ANKRD7: variants seen among roughly 807,000 people sequenced by gnomAD.
ANKRD7 encodes ankyrin repeat domain 7.
In ANKRD7, 30 loss-of-function variants were observed where a neutral mutation model predicts 30.8. That is an observed-to-expected ratio of 0.97 (90% confidence interval 0.73 to 1.32). The LOEUF (loss-of-function observed/expected upper bound fraction) is 1.32. Among genes scored for constraint, ANKRD7 ranks in the 40% most tolerant of loss-of-function variants. The pLI is 0.00. For missense variants in ANKRD7, 264 were observed against 295.7 expected, an observed-to-expected ratio of 0.89 and a Z score of 0.79; for synonymous variants, 97 against 106.6, an observed-to-expected ratio of 0.91 and a Z score of 0.55.
chr7:118,241,086 G>A (rs1298190371), intron 6 of ANKRD7, among the ~76,000 whole-genome samples: 1 of 147,884 alleles, frequency 6.8e-6, no homozygotes, highest in Admixed American at 6.8e-5. Flanking sequence ...CCCGGGAGGC[G>A]GAGCTTGCAG....
At chr7:118,228,437 A>C (rs756680413) in intron 1 of ANKRD7, among the ~76,000 whole-genome samples, 1 of 151,910 alleles carries the variant, frequency 6.6e-6, no homozygotes, top group Non-Finnish European at 1.5e-5. Context: ...GAAAACCCTG[A>C]TTCATACAGT....
Position 118,236,274 on chromosome 7 carries a change from A to T in ANKRD7, c.575+127A>T, listed in dbSNP as rs1036846413. 2.2e-5 allele frequency: 12 copies of T among 541,642 alleles called. No homozygotes were observed. In the African/African-American group the frequency reaches 2.3e-4, roughly 10 times the overall value. 33.6% of individuals were successfully genotyped at this position (541,642 alleles called of 1,614,324 possible). A position where few individuals can be genotyped will look rare whatever the true frequency, so the allele number is the denominator to read the frequency against. The stretch of plus-strand genomic sequence containing the variant: ...ACAATATATATGATATTGGGAAAAT[A>T]TAGAACCATAAGACCCGTAGGATGT... On this transcript the variant is annotated intron_variant, in intron 4 of 6. Transcript: ENST00000265224.
intron 1 of ANKRD7, among the ~76,000 whole-genome samples, chr7:118,232,574 T>G (rs10487392): frequency 0.44 from 66,301 of 151,904 alleles, 17,332 homozygotes; most frequent in South Asian, 0.59. Context: ...GAGCTTAATA[T>G]GAGCCATGAA....
At chr7:118,228,253 C>T (rs1046265475) in intron 1 of ANKRD7, among the ~76,000 whole-genome samples, 9 of 152,224 alleles carry the variant, frequency 5.9e-5, no homozygotes, top group African/African-American at 1.7e-4. Flanking sequence ...TATCTTCACT[C>T]TCCTGGTGAA....
At chr7:118,225,503 A>T (rs1420672064) in intron 1 of ANKRD7, among the ~76,000 whole-genome samples, 2 of 150,970 alleles carry the variant, frequency 1.3e-5, no homozygotes, top group Non-Finnish European at 1.5e-5. Flanking sequence ...AAAAAAAAAA[A>T]TTGCTTGCTT....
chr7:118,241,521 C>CTTTTT, intron 6 of ANKRD7, among the ~76,000 whole-genome samples: 135 of 84,550 alleles, frequency 1.6e-3, no homozygotes, highest in Middle Eastern at 9.6e-3. Context: ...TCTGAATTAC[C>CTTTTT]TTTTTTTTTT....
At chr7:118,240,553 C>T (rs1437285973) in intron 6 of ANKRD7, among the ~76,000 whole-genome samples, 1 of 152,016 alleles carries the variant, frequency 6.6e-6, no homozygotes, top group Non-Finnish European at 1.5e-5. Context: ...AATATTCTGA[C>T]ACTGTGTTGG....
At chr7:118,233,039 G>A (rs1809667082) in intron 1 of ANKRD7, among the ~76,000 whole-genome samples, 1 of 152,098 alleles carries the variant, frequency 6.6e-6, no homozygotes, top group Non-Finnish European at 1.5e-5. Flanking sequence ...AATGTGAACA[G>A]AAAGCTTAAT....
chr7:118,228,051 G>A (rs1030910697), intron 1 of ANKRD7: 21 of 1,290,658 alleles, frequency 1.6e-5, no homozygotes, highest in Admixed American at 2.5e-5. Context: ...TACCTTGCTG[G>A]CCTGTCAGCA....
chr7:118,230,572 A>G (rs1256228096), intron 1 of ANKRD7, among the ~76,000 whole-genome samples: 1 of 152,042 alleles, frequency 6.6e-6, no homozygotes, highest in African/African-American at 2.4e-5. Context: ...TAATTTTATT[A>G]TAAATTACAA....
intron 3 of ANKRD7, among the ~76,000 whole-genome samples, chr7:118,235,750 A>G (rs17141126): frequency 0.032 from 4,903 of 152,288 alleles, 134 homozygotes; most frequent in East Asian, 0.078. Flanking sequence ...GTGAATTGAC[A>G]GTATGCAATG....
intron 3 of ANKRD7, among the ~76,000 whole-genome samples, chr7:118,235,611 CAAAAAAAAAA>C (rs776419798): frequency 2.1e-5 from 1 of 48,332 alleles, no homozygotes; most frequent in East Asian, 5.2e-4. Flanking sequence ...GACTCTGTCT[CAAAAAAAAAA>C]AAAAAAAAAA....
In ANKRD7 at chr7:118,234,891, G is replaced by GA. The variant is rs752251045; in HGVS notation, c.468+24dup. 1.1e-5 allele frequency: 18 copies of GA among 1,568,880 alleles called. No individual in the cohort carries two copies. The highest frequency in any genetic ancestry group is 2.0e-5 in the Admixed American group (1 of 48,854). ...AAAAATAAGGTAGTTTTCTATTAAA[G>GA]AAAAAAATCCTGTATTTTAGAAAGC... On this transcript the variant is annotated intron_variant, in intron 3 of 6. Coordinates refer to ENST00000265224, the MANE Select transcript of ANKRD7 (RefSeq NM_019644.4).
At position 118,240,013 on chromosome 7, in the gene ANKRD7, T is replaced by C; in HGVS notation, c.*37+15T>C. ...ACTAAAGGAAGGTAAGATTGCTAAC[T>C]GGATTAGTGTTTTTTTCTTGTTGCT... On this transcript the variant is annotated intron_variant, in intron 6 of 6. Transcript: ENST00000265224. The C allele has an allele frequency of 7.2e-7, 1 of 1,383,738 alleles. No homozygotes were observed. Among genetic ancestry groups the C allele is most frequent in the East Asian group, 2.6e-5 (1 of 39,008 alleles). 85.7% of individuals were successfully genotyped at this position (1,383,738 alleles called of 1,614,324 possible).
At chr7:118,241,856 T>C (rs931740630) in intron 6 of ANKRD7, among the ~76,000 whole-genome samples, 1 of 152,100 alleles carries the variant, frequency 6.6e-6, no homozygotes, top group African/African-American at 2.4e-5. Flanking sequence ...TTACTCTTAA[T>C]GTATACTCTT....
Position 118,224,863 on chromosome 7 carries a change from G to GA in ANKRD7, c.35dup (p.Asn12LysfsTer2). 6.2e-7 allele frequency: 1 copy of GA among 1,613,898 alleles called. No homozygotes were observed. Among genetic ancestry groups the GA allele is most frequent in the Non-Finnish European group, 8.5e-7 (1 of 1,179,968 alleles). ...AGCTTTTCAGCTTCTGGAAGAGGAA[G>GA]AATGAGACCCGCAGCCAGGGCTACA... On this transcript the variant is annotated frameshift_variant, in exon 1 of 7. Transcript: ENST00000265224. LOFTEE classifies it high-confidence loss of function.
In ANKRD7 at chr7:118,236,077, A is replaced by T; in HGVS notation, c.505A>T (p.Asn169Tyr). Residue 169 changes from asparagine to tyrosine, a missense_variant, in exon 4 of 7, where the codon AAT (asparagine) becomes TAT (tyrosine). Physicochemically the swap from Asn to Tyr is moderately radical, Grantham distance 143. Coordinates refer to ENST00000265224, the MANE Select transcript of ANKRD7 (RefSeq NM_019644.4). The stretch of plus-strand genomic sequence containing the variant: ...TCCACTATTAGTTGCCGTTATTAAC[A>T]ATAATCCAAAAATGGTAAAATTTCT... The part of the protein sequence containing the change: ...YTPLLVAVIN[N>Y]NPKMVKFLLE... 1 of 1,606,848 alleles carries T rather than the reference A, an allele frequency of 6.2e-7. No homozygotes were observed. The highest frequency in any genetic ancestry group is 8.5e-7 in the Non-Finnish European group (1 of 1,174,474).
intron 1 of ANKRD7, among the ~76,000 whole-genome samples, chr7:118,226,637 T>C (rs1214596449): frequency 1.3e-5 from 2 of 152,152 alleles, no homozygotes; most frequent in Non-Finnish European, 2.9e-5. Context: ...ATTGAGTAGA[T>C]GGAGGAGGAG....
At chr7:118,229,822 A>G (rs190851736) in intron 1 of ANKRD7, among the ~76,000 whole-genome samples, 210 of 152,246 alleles carry the variant, frequency 1.4e-3, no homozygotes, top group African/African-American at 4.6e-3. Flanking sequence ...CATCAAAACG[A>G]TAATTCAACA....
Sources: gnomAD v4.1 joint callset for allele counts (sites outside exome capture counted in the v4.1 genomes callset) on GRCh38, gnomAD v4.1.1 for gene constraint, MANE v1.5 for transcripts, NCBI Gene and HGNC (gene_info 2026-07-23, HGNC 2026-07-21) for gene names.